Variants in PDE8B observed in about 807,000 individuals in gnomAD.
PDE8B encodes phosphodiesterase 8B.
PDE8B carries 26 observed loss-of-function variants against 101.3 expected under a neutral mutation model. That is an observed-to-expected ratio of 0.26 (90% CI 0.19 to 0.36). PDE8B has a LOEUF of 0.36. PDE8B is among the 10% of genes least tolerant of loss of function. The pLI, the probability that PDE8B is intolerant of heterozygous loss-of-function variation, is 1.00. For missense variants in PDE8B, 810 were observed against 1,163.1 expected (o/e 0.70, Z 4.42); for synonymous variants, 424 against 429.3 (o/e 0.99, Z 0.15).
chr5:77,399,693 C>CA (rs913297309), intron 10 of PDE8B, among the ~76,000 whole-genome samples: 3 of 151,728 alleles, frequency 2.0e-5, no homozygotes, highest in African/African-American at 4.8e-5. Flanking sequence ...CCATTAACAA[C>CA]AAAAAAAATT....
chr5:77,136,963 C>T, the PDE8B span, among the ~76,000 whole-genome samples: 1 of 152,154 alleles, frequency 6.6e-6, no homozygotes, highest in Non-Finnish European at 1.5e-5. Flanking sequence ...TCAGTTGCCT[C>T]ACCCCAACTA....
chr5:77,196,309 G>T, the PDE8B span, among the ~76,000 whole-genome samples: 1 of 152,028 alleles, frequency 6.6e-6, no homozygotes, highest in African/African-American at 2.4e-5. Flanking sequence ...TTCTTTTGTG[G>T]CTTGTGCTTT....
intron 1 of PDE8B, among the ~76,000 whole-genome samples, chr5:77,270,389 A>T (rs1762550165): frequency 6.6e-6 from 1 of 152,210 alleles, no homozygotes; most frequent in Admixed American, 6.5e-5. Flanking sequence ...GTATAAGACC[A>T]TATCATCTGC....
At chr5:77,182,441 C>T in the PDE8B span, among the ~76,000 whole-genome samples, 1 of 152,046 alleles carries the variant, frequency 6.6e-6, no homozygotes, top group African/African-American at 2.4e-5. Flanking sequence ...AAAGTTTGAG[C>T]TTGGTTATAT....
the PDE8B span, among the ~76,000 whole-genome samples, chr5:77,172,415 A>G: frequency 6.6e-6 from 1 of 152,198 alleles, no homozygotes; most frequent in South Asian, 2.1e-4. Flanking sequence ...CACCTAGGAG[A>G]AGCAGACAAT....
intron 1 of PDE8B, among the ~76,000 whole-genome samples, chr5:77,233,173 G>A (rs1287592880): frequency 1.3e-5 from 2 of 151,966 alleles, no homozygotes; most frequent in Non-Finnish European, 2.9e-5. Flanking sequence ...AGCTTGCCAG[G>A]GTTTTGTTTT....
intron 2 of PDE8B, among the ~76,000 whole-genome samples, chr5:77,325,004 C>T (rs1775777769): frequency 6.6e-6 from 1 of 152,192 alleles, no homozygotes; most frequent in African/African-American, 2.4e-5. Flanking sequence ...ACTGTTCTTT[C>T]ACTCTTAGAG....
the PDE8B span, among the ~76,000 whole-genome samples, chr5:77,124,753 T>C: frequency 6.6e-6 from 1 of 151,890 alleles, no homozygotes; most frequent in African/African-American, 2.4e-5. Context: ...TAATAGCAGA[T>C]TAGACACTGC....
the PDE8B span, among the ~76,000 whole-genome samples, chr5:77,203,941 A>G: frequency 7.9e-5 from 12 of 152,162 alleles, no homozygotes; most frequent in East Asian, 1.9e-3. Context: ...TGCCCATGAG[A>G]CATTTAGGAA....
At chr5:77,403,627 A>G (rs1033558642) in intron 11 of PDE8B, among the ~76,000 whole-genome samples, 2 of 152,024 alleles carry the variant, frequency 1.3e-5, no homozygotes, top group African/African-American at 2.4e-5. Flanking sequence ...TGAAACTTTT[A>G]TGCATGATAG....
chr5:77,097,695 A>ATC, the PDE8B span, among the ~76,000 whole-genome samples: 98 of 22,164 alleles, frequency 4.4e-3, no homozygotes, highest in African/African-American at 0.013. Flanking sequence ...TTATATATCT[A>ATC]TATATATATA....
chr5:77,225,867 C>CACAT lies in PDE8B; in HGVS notation c.339+14606_339+14607insTACA, dbSNP rs1752250771. Among the ~76,000 whole-genome samples the CACAT allele has an allele frequency of 2.1e-5, 3 of 145,248 alleles. No homozygotes were observed. In the South Asian group the frequency reaches 6.5e-4, roughly 32 times the overall value. ...GCGCGTGCACACACACACACACACA[C>CACAT]ACACACACACACACCCCACGCACAC... On this transcript the variant is annotated intron_variant, in intron 1 of 21. Coordinates refer to ENST00000264917, the MANE Select transcript of PDE8B (RefSeq NM_003719.5).
At chr5:77,114,021 G>C in the PDE8B span, 41 of 152,222 alleles carry the variant, frequency 2.7e-4, no homozygotes, top group African/African-American at 9.4e-4. Flanking sequence ...ACAGATGCTG[G>C]AGAGGATGTG....
chr5:77,108,149 C>T, the PDE8B span, among the ~76,000 whole-genome samples: 1 of 152,162 alleles, frequency 6.6e-6, no homozygotes, highest in African/African-American at 2.4e-5. Flanking sequence ...TCAATTCTAT[C>T]ATCTATATGA....
intron 1 of PDE8B, among the ~76,000 whole-genome samples, chr5:77,223,403 CT>C (rs944051815): frequency 8.8e-6 from 1 of 113,454 alleles, no homozygotes; most frequent in African/African-American, 3.5e-5. Flanking sequence ...CCCATTCTTT[CT>C]TTTTTTTTGG....
At chr5:77,340,289 CT>C (rs1447592245) in intron 6 of PDE8B, among the ~76,000 whole-genome samples, 1 of 152,206 alleles carries the variant, frequency 6.6e-6, no homozygotes, top group Non-Finnish European at 1.5e-5. Flanking sequence ...ACTCTGTATT[CT>C]GTGGAACACC....
chr5:77,228,198 C>G (rs1207427600), intron 1 of PDE8B, among the ~76,000 whole-genome samples: 1 of 152,188 alleles, frequency 6.6e-6, no homozygotes, highest in African/African-American at 2.4e-5. Flanking sequence ...ACACCACCCT[C>G]AGTTCCTTGC....
At chr5:77,328,440 A>G (rs904505774) in intron 3 of PDE8B, among the ~76,000 whole-genome samples, 46 of 152,244 alleles carry the variant, frequency 3.0e-4, no homozygotes, top group African/African-American at 1.1e-3. Flanking sequence ...CTGATGATCA[A>G]GTTGTTTAAA....
intron 6 of PDE8B, among the ~76,000 whole-genome samples, chr5:77,341,689 C>T (rs1043630430): frequency 2.6e-5 from 4 of 152,352 alleles, no homozygotes; most frequent in Admixed American, 6.5e-5. Flanking sequence ...TACAGTGCTT[C>T]GTCCAGTTTT....
Sources: gnomAD v4.1 joint callset for allele counts (sites outside exome capture counted in the v4.1 genomes callset) on GRCh38, gnomAD v4.1.1 for gene constraint, MANE v1.5 for transcripts, NCBI Gene and HGNC (gene_info 2026-07-23, HGNC 2026-07-21) for gene names.